Variants in CDH12 observed in about 807,000 individuals in gnomAD.
The protein encoded by CDH12 is cadherin-12.
Under a neutral mutation model 74.1 loss-of-function variants are expected in CDH12, and 41 were observed. The observed-to-expected ratio is 0.55, with a 90% CI of 0.43 to 0.72. The LOEUF (loss-of-function observed/expected upper bound fraction) is 0.72. CDH12 is among the 30% of genes least tolerant of loss of function. CDH12 has a pLI of 0.00. For missense variants in CDH12, 945 were observed against 977.2 expected, an observed-to-expected ratio of 0.97 and a Z score of 0.44; for synonymous variants, 399 against 355.0, an observed-to-expected ratio of 1.12 and a Z score of -1.39.
chr5:21,984,639 T>C (rs1355160497), intron 5 of CDH12, among the ~76,000 whole-genome samples: 2 of 152,208 alleles, frequency 1.3e-5, no homozygotes, highest in Non-Finnish European at 2.9e-5. Flanking sequence ...TTACGGGTTG[T>C]TATTTTTGTT....
chr5:21,942,347 TACACAC>T (rs70957081), intron 6 of CDH12, among the ~76,000 whole-genome samples: 4,943 of 129,542 alleles, frequency 0.038, 148 homozygotes, highest in Non-Finnish European at 0.046. Flanking sequence ...TATATATATA[TACACAC>T]ACACACACAC....
At chr5:22,277,682 A>T (rs2150404442) in intron 3 of CDH12, among the ~76,000 whole-genome samples, 1 of 151,604 alleles carries the variant, frequency 6.6e-6, no homozygotes, top group Non-Finnish European at 1.5e-5. Context: ...AAAATACAAA[A>T]AATCAGCCAG....
rs138400455 is a variant in CDH12 at position 22,237,645 on chromosome 5, A to G, written c.-332-25002T>C. On this transcript the variant is annotated intron_variant, in intron 3 of 14. Coordinates refer to ENST00000382254, the MANE Select transcript of CDH12 (RefSeq NM_004061.5). Reference sequence around the variant, plus strand: ...TTGTTGTTTATAAGTTATCCAGTTTATGGTACTTTTGTTATAGCATCTTGA... The same window carrying G: ...TTGTTGTTTATAAGTTATCCAGTTTGTGGTACTTTTGTTATAGCATCTTGA... Among the ~76,000 whole-genome samples the G allele has an allele frequency of 3.4e-3, 518 of 152,284 alleles. 6 individuals carry two copies. The highest frequency in any genetic ancestry group is 0.012 in the African/African-American group (490 of 41,552).
At chr5:22,534,234 C>G (rs990213564) in intron 1 of CDH12, among the ~76,000 whole-genome samples, 1 of 151,540 alleles carries the variant, frequency 6.6e-6, no homozygotes, top group Non-Finnish European at 1.5e-5. Flanking sequence ...TATTGGGAAA[C>G]AGGTGGTGTT....
intron 4 of CDH12, among the ~76,000 whole-genome samples, chr5:22,149,915 A>C (rs189743405): frequency 2.0e-4 from 30 of 152,236 alleles, no homozygotes; most frequent in African/African-American, 7.2e-4. Flanking sequence ...AATTGCTTGA[A>C]CCTGGAAGGC....
At chr5:22,173,923 T>C (rs1272270866) in intron 4 of CDH12, among the ~76,000 whole-genome samples, 2 of 151,954 alleles carry the variant, frequency 1.3e-5, no homozygotes, top group Admixed American at 6.6e-5. Context: ...GGAATGGAGA[T>C]AGTATGCTGC....
chr5:22,513,611 G>T (rs1271516312), intron 1 of CDH12, among the ~76,000 whole-genome samples: 1 of 152,022 alleles, frequency 6.6e-6, no homozygotes, highest in Non-Finnish European at 1.5e-5. Context: ...GGGAGTCCTG[G>T]GCTAAAATTT....
At chr5:22,397,666 A>G (rs1006525146) in intron 3 of CDH12, among the ~76,000 whole-genome samples, 1 of 152,158 alleles carries the variant, frequency 6.6e-6, no homozygotes, top group Admixed American at 6.6e-5. Flanking sequence ...TAGAATAAGA[A>G]GCAGTTATAA....
In CDH12 at chr5:22,476,353, TGG is replaced by T. The variant is rs1561433244; in HGVS notation, c.-428+28915_-428+28916del. Among the ~76,000 whole-genome samples the T allele has an allele frequency of 6.5e-4, 99 of 152,240 alleles. 2 individuals are homozygous for T. Among genetic ancestry groups the T allele is most frequent in the African/African-American group, 2.4e-3 (99 of 41,578 alleles). ...ATTATATGTTTTATTGTTTATTGAA[TGG>T]TACACATCATTCATATTAAATAGTA... On this transcript the variant is annotated intron_variant, in intron 2 of 14. Coordinates refer to ENST00000382254, the MANE Select transcript of CDH12 (RefSeq NM_004061.5).
At chr5:22,176,310 T>C (rs1437472829) in intron 4 of CDH12, among the ~76,000 whole-genome samples, 1 of 152,140 alleles carries the variant, frequency 6.6e-6, no homozygotes, top group East Asian at 1.9e-4. Context: ...GTTTCTTTTT[T>C]TGAAAGTCTG....
chr5:22,460,497 A>G (rs1398725251), intron 2 of CDH12, among the ~76,000 whole-genome samples: 2 of 152,064 alleles, frequency 1.3e-5, no homozygotes, highest in Non-Finnish European at 2.9e-5. Context: ...GTTAATCCAA[A>G]CTTTGGAGGT....
chr5:22,684,122 G>A (rs1741638247), intron 1 of CDH12, among the ~76,000 whole-genome samples: 1 of 152,102 alleles, frequency 6.6e-6, no homozygotes, highest in Non-Finnish European at 1.5e-5. Context: ...TTGTTTGTCT[G>A]AGGCCCTTGG....
At chr5:21,889,656 T>A in intron 6 of CDH12, 2 of 984,872 alleles carry the variant, frequency 2.0e-6, no homozygotes, top group Non-Finnish European at 1.2e-6. Flanking sequence ...ATGCCATCAG[T>A]ATCCTGAATG....
chr5:21,817,755 A>G (rs950961694), intron 8 of CDH12, among the ~76,000 whole-genome samples: 1 of 151,940 alleles, frequency 6.6e-6, no homozygotes, highest in Non-Finnish European at 1.5e-5. Context: ...TCACCTTTCT[A>G]TATACTTTTA....
At chr5:22,134,410 GC>G (rs1287070194) in intron 4 of CDH12, among the ~76,000 whole-genome samples, 2 of 152,040 alleles carry the variant, frequency 1.3e-5, no homozygotes, top group African/African-American at 4.8e-5. Context: ...TTCTAGGATA[GC>G]GGGTGGGGTG....
intron 3 of CDH12, among the ~76,000 whole-genome samples, chr5:22,329,031 A>G: frequency 6.6e-6 from 1 of 152,210 alleles, no homozygotes; most frequent in African/African-American, 2.4e-5. Context: ...ACAAGAGAAG[A>G]GAGAATTTAA....
intron 1 of CDH12, among the ~76,000 whole-genome samples, chr5:22,682,618 A>AT (rs1176355464): frequency 2.6e-5 from 4 of 152,132 alleles, no homozygotes; most frequent in African/African-American, 4.8e-5. Flanking sequence ...CCAAAGAAAT[A>AT]TTTTTTGTCT....
chr5:22,560,773 T>C (rs1282263609), intron 1 of CDH12, among the ~76,000 whole-genome samples: 1 of 152,178 alleles, frequency 6.6e-6, no homozygotes, highest in Admixed American at 6.5e-5. Flanking sequence ...TTAATGTGCC[T>C]TAACAAGTTG....
At chr5:22,607,186 G>A (rs1284461992) in intron 1 of CDH12, among the ~76,000 whole-genome samples, 1 of 152,134 alleles carries the variant, frequency 6.6e-6, no homozygotes, top group Non-Finnish European at 1.5e-5. Flanking sequence ...CTATTTTCTG[G>A]GGAGAAATTC....
Sources: allele counts gnomAD v4.1 joint callset (sites outside exome capture counted in the v4.1 genomes callset), GRCh38; gene constraint gnomAD v4.1.1; transcripts MANE v1.5; gene names NCBI Gene and HGNC (gene_info 2026-07-23, HGNC 2026-07-21).